Variants in TTC6 observed in about 807,000 individuals in gnomAD.
The protein encoded by TTC6 is tetratricopeptide repeat protein 6.
A neutral mutation model predicts 210.4 loss-of-function variants in TTC6; 172 were observed. That is an observed-to-expected ratio of 0.82 (90% confidence interval 0.72 to 0.93). The LOEUF is 0.93. TTC6 is among the 40% of genes least tolerant of loss of function. The pLI, the probability that TTC6 is intolerant of heterozygous loss-of-function variation, is 0.00. For synonymous variants in TTC6, 804 were observed against 819.6 expected, an observed-to-expected ratio of 0.98 and a Z score of 0.32; for missense variants, 2,414 against 2,318.1, an observed-to-expected ratio of 1.04 and a Z score of -0.85.
At chr14:37,816,748 C>T (rs759701743) in intron 25 of TTC6, among the ~76,000 whole-genome samples, 4 of 151,922 alleles carry the variant, frequency 2.6e-5, no homozygotes, top group African/African-American at 4.8e-5. Flanking sequence ...TTTTGTTTTG[C>T]CGTTATATAT....
At chr14:37,824,580 T>A (rs936815530) in intron 27 of TTC6, among the ~76,000 whole-genome samples, 1 of 152,164 alleles carries the variant, frequency 6.6e-6, no homozygotes, top group Non-Finnish European at 1.5e-5. Context: ...TATACTTCCT[T>A]CTTCTTGCAG....
chr14:37,817,147 C>T (rs1387898274), intron 25 of TTC6, among the ~76,000 whole-genome samples: 4 of 152,188 alleles, frequency 2.6e-5, no homozygotes, highest in Non-Finnish European at 5.9e-5. Flanking sequence ...GCCTGCTTGT[C>T]CTATAGTCAC....
intron 1 of TTC6, among the ~76,000 whole-genome samples, chr14:37,658,310 T>C (rs767034913): frequency 1.3e-5 from 2 of 152,246 alleles, no homozygotes; most frequent in African/African-American, 2.4e-5. Context: ...TTGCCAACAC[T>C]TATTTACATT....
At chr14:37,713,807 A>G (rs2095848315) in intron 5 of TTC6, among the ~76,000 whole-genome samples, 1 of 152,114 alleles carries the variant, frequency 6.6e-6, no homozygotes. Flanking sequence ...TTATTAAACA[A>G]CTGAAATCAG....
upstream of TTC6, among the ~76,000 whole-genome samples, chr14:37,617,781 G>A (rs547634660): frequency 2.0e-5 from 3 of 152,290 alleles, no homozygotes; most frequent in South Asian, 4.1e-4. Context: ...CTTGGGTTAA[G>A]AAGTTTCTTT....
upstream of TTC6, among the ~76,000 whole-genome samples, chr14:37,619,266 A>G (rs1032007375): frequency 6.6e-6 from 1 of 152,178 alleles, no homozygotes; most frequent in East Asian, 1.9e-4. Flanking sequence ...AAGAAAGCCT[A>G]TTGATTCCCA....
At chr14:37,812,740 GTGT>G (rs1566969718) in intron 25 of TTC6, among the ~76,000 whole-genome samples, 1 of 152,184 alleles carries the variant, frequency 6.6e-6, no homozygotes. Flanking sequence ...TTCCTGTAAT[GTGT>G]ACTCTGCTGT....
chr14:37,603,385 A>G (rs2095619405), intron 1 of TTC6, among the ~76,000 whole-genome samples: 1 of 152,186 alleles, frequency 6.6e-6, no homozygotes, highest in Admixed American at 6.5e-5. Context: ...GGAAATGAGG[A>G]ACCCGTGTGA....
chr14:37,705,012 C>T (rs1188920613), intron 5 of TTC6, among the ~76,000 whole-genome samples: 1 of 152,038 alleles, frequency 6.6e-6, no homozygotes, highest in Non-Finnish European at 1.5e-5. Context: ...TTCCATTTCA[C>T]TGATTTGTCT....
At chr14:37,769,155 C>G (rs2096009430) in intron 14 of TTC6, among the ~76,000 whole-genome samples, 1 of 151,594 alleles carries the variant, frequency 6.6e-6, no homozygotes, top group African/African-American at 2.4e-5. Flanking sequence ...ATGAAGCCCA[C>G]TTGATCATGA....
intron 16 of TTC6, among the ~76,000 whole-genome samples, chr14:37,791,841 G>C (rs986821089): frequency 6.6e-6 from 1 of 152,046 alleles, no homozygotes; most frequent in African/African-American, 2.4e-5. Context: ...TAATATGTAC[G>C]TGGAGAGGAT....
chr14:37,841,501 C>G, exon 30 of TTC6: 1 of 1,597,556 alleles, frequency 6.3e-7, no homozygotes. Flanking sequence ...AATATGTTCT[C>G]ATGAATCGAG....
At chr14:37,605,524 T>C (rs1459127500) in intron 1 of TTC6, among the ~76,000 whole-genome samples, 1 of 152,230 alleles carries the variant, frequency 6.6e-6, no homozygotes, top group East Asian at 1.9e-4. Flanking sequence ...CAGTGATCTC[T>C]GGCTAAATGC....
At chr14:37,622,580 C>T (rs1250976200) in exon 1 of TTC6, 1 of 1,534,120 alleles carries the variant, frequency 6.5e-7, no homozygotes, top group Non-Finnish European at 8.7e-7. Context: ...GCTCGCGGCA[C>T]GCGGCTCCCA....
chr14:37,794,414 T>A (rs2139353383), intron 17 of TTC6, among the ~76,000 whole-genome samples: 1 of 152,314 alleles, frequency 6.6e-6, no homozygotes, highest in African/African-American at 2.4e-5. Context: ...CATTGTGCCG[T>A]AACAATAAAA....
chr14:37,772,794 C>G (rs574950899), intron 14 of TTC6, among the ~76,000 whole-genome samples: 1 of 152,136 alleles, frequency 6.6e-6, no homozygotes, highest in South Asian at 2.1e-4. Flanking sequence ...AGCTGTAGAC[C>G]GGAGCTGTTC....
chr14:37,686,355 C>T (rs1248686151), intron 3 of TTC6, among the ~76,000 whole-genome samples: 1 of 152,166 alleles, frequency 6.6e-6, no homozygotes, highest in East Asian at 1.9e-4. Context: ...ATATCAGCAA[C>T]CTGCTTATGA....
intron 3 of TTC6, among the ~76,000 whole-genome samples, chr14:37,687,484 C>G (rs921338766): frequency 6.6e-6 from 1 of 152,164 alleles, no homozygotes; most frequent in African/African-American, 2.4e-5. Context: ...ATGCAACCTA[C>G]TGAGACACCA....
chr14:37,751,040 T>A lies in TTC6; in HGVS notation c.2957-13T>A. The A allele has an allele frequency of 1.1e-5, 16 of 1,497,428 alleles. No homozygotes were observed. The highest frequency in any genetic ancestry group is 1.2e-5 in the Non-Finnish European group (14 of 1,124,402). 92.8% of individuals were successfully genotyped at this position (1,497,428 alleles called of 1,614,324 possible). A position where few individuals can be genotyped will look rare whatever the true frequency, so the allele number is the denominator to read the frequency against. On this transcript the variant is annotated splice_polypyrimidine_tract_variant and intron_variant, in intron 12 of 30. Transcript: ENST00000553443. ...ATTATAACTCCAAATTTTATCTTTT[T>A]AATTTTCTTTAGAGGCATATTTGTC... is the stretch of plus-strand genomic sequence containing the variant.
Sources: gnomAD v4.1 joint callset for allele counts (sites outside exome capture counted in the v4.1 genomes callset) on GRCh38, gnomAD v4.1.1 for gene constraint, MANE v1.5 for transcripts, NCBI Gene and HGNC (gene_info 2026-07-23, HGNC 2026-07-21) for gene names.